The following DCAF5 variants were observed in gnomAD, a reference collection of about 807,000 sequenced individuals.
The protein encoded by DCAF5 is DDB1 and CUL4 associated factor 5.
DCAF5 carries 9 observed loss-of-function variants against 80.7 expected under a neutral mutation model. That is an observed-to-expected ratio of 0.11 (90% CI 0.07 to 0.19). The LOEUF is 0.19. Among genes scored for constraint, DCAF5 ranks in the 10% least tolerant of loss-of-function variants. The probability of loss-of-function intolerance (pLI) is 1.00; values close to 1 mark genes in which losing one functional copy is unlikely to be tolerated. For synonymous variants in DCAF5, 433 were observed against 461.9 expected (o/e 0.94, Z 0.80); for missense variants, 842 against 1,205.7 (o/e 0.70, Z 4.47).
intron 3 of DCAF5, 81 bp downstream of exon 3, chr14:69,119,113 T>G: frequency 7.1e-7 from 1 of 1,414,008 alleles, no homozygotes; most frequent in South Asian, 1.4e-5. Flanking sequence ...AAACAAAAAC[T>G]ATTTTAGTCT....
chr14:69,140,229 T>G (rs1267953668), intron 1 of DCAF5, among the ~76,000 whole-genome samples: 2 of 151,458 alleles, frequency 1.3e-5, no homozygotes, highest in African/African-American at 4.9e-5. Flanking sequence ...ATAGCGCCAT[T>G]GCACTCCAGC....
At chr14:69,069,201 T>C (rs760265175) in intron 7 of DCAF5, among the ~76,000 whole-genome samples, 5 of 152,180 alleles carry the variant, frequency 3.3e-5, no homozygotes, top group Non-Finnish European at 5.9e-5. Flanking sequence ...AAAAAATGCA[T>C]TTACAGCTGT....
At chr14:69,122,991 G>A (rs1433102985) in intron 1 of DCAF5, among the ~76,000 whole-genome samples, 1 of 151,768 alleles carries the variant, frequency 6.6e-6, no homozygotes, top group African/African-American at 2.4e-5. Flanking sequence ...TTTTTGCATT[G>A]ACTTTTTATA....
chr14:69,079,359 G>A (rs2139918985), intron 6 of DCAF5, among the ~76,000 whole-genome samples: 1 of 152,272 alleles, frequency 6.6e-6, no homozygotes, highest in South Asian at 2.1e-4. Context: ...TGCATAGAAT[G>A]TACAGGCTTC....
chr14:69,074,306 C>G (rs1188114939), intron 7 of DCAF5, among the ~76,000 whole-genome samples: 1 of 152,000 alleles, frequency 6.6e-6, no homozygotes, highest in Non-Finnish European at 1.5e-5. Context: ...GTATTAAAAA[C>G]AGACATTTTT....
intron 7 of DCAF5, among the ~76,000 whole-genome samples, chr14:69,072,494 G>C (rs997371673): frequency 1.3e-5 from 2 of 151,966 alleles, no homozygotes; most frequent in Non-Finnish European, 2.9e-5. Context: ...TGTAGTCCTA[G>C]ATACTTGGGA....
intron 1 of DCAF5, among the ~76,000 whole-genome samples, chr14:69,147,491 G>A (rs1191969235): frequency 6.6e-6 from 1 of 152,132 alleles, no homozygotes; most frequent in East Asian, 1.9e-4. Context: ...TGAGGAAACA[G>A]ACAAGAGAGG....
At chr14:69,089,215 A>T (rs949113539) in intron 6 of DCAF5, 2 of 152,630 alleles carry the variant, frequency 1.3e-5, no homozygotes, top group South Asian at 2.1e-4. Flanking sequence ...TTACTTCAAC[A>T]AATTTTTATT....
chr14:69,139,609 T>C (rs1248372614), intron 1 of DCAF5, among the ~76,000 whole-genome samples: 1 of 150,740 alleles, frequency 6.6e-6, no homozygotes, highest in Non-Finnish European at 1.5e-5. Flanking sequence ...AGGCCAGGAG[T>C]TCAAGACCAG....
chr14:69,086,924 G>A (rs2039350311), intron 6 of DCAF5, among the ~76,000 whole-genome samples: 1 of 152,214 alleles, frequency 6.6e-6, no homozygotes, highest in African/African-American at 2.4e-5. Context: ...AGGTACGCCA[G>A]TGCTCAGCCT....
intron 5 of DCAF5, among the ~76,000 whole-genome samples, chr14:69,095,539 G>GT (rs1242548017): frequency 7.2e-6 from 1 of 138,614 alleles, no homozygotes; most frequent in African/African-American, 2.4e-5. Flanking sequence ...GTTTTGTTTT[G>GT]TTTTTTTAAG....
At chr14:69,130,420 G>A (rs1310604290) in intron 1 of DCAF5, among the ~76,000 whole-genome samples, 5 of 152,174 alleles carry the variant, frequency 3.3e-5, no homozygotes, top group Non-Finnish European at 7.4e-5. Context: ...GCCAGGGGCT[G>A]GGGGAAAAGA....
At position 69,053,312 on chromosome 14, in the gene DCAF5, C is replaced by G. The variant is rs527841970; in HGVS notation, c.*545G>C. 2.0e-5 allele frequency: 3 copies of G among 152,602 alleles called. No individual in the cohort carries two copies. The South Asian group carries it at 6.2e-4, about 32-fold the overall frequency. 9.5% of individuals were successfully genotyped at this position (152,602 alleles called of 1,614,324 possible). A position where few individuals can be genotyped will look rare whatever the true frequency, so the allele number is the denominator to read the frequency against. On this transcript the variant is annotated 3_prime_UTR_variant, in exon 9 of 9. Transcript: ENST00000341516. ...AACCATGCTTTCCTCTCCAGCGCAG[C>G]CAATGGGCTGAAGGCCTGTTTCCAT...
intron 7 of DCAF5, among the ~76,000 whole-genome samples, chr14:69,071,289 T>C (rs1335890459): frequency 1.3e-5 from 2 of 152,150 alleles, no homozygotes; most frequent in Admixed American, 6.5e-5. Flanking sequence ...ATAAATTTCA[T>C]CTCTTTGGAG....
chr14:69,058,600 C>A (rs770119196), intron 8 of DCAF5, among the ~76,000 whole-genome samples: 1 of 151,652 alleles, frequency 6.6e-6, no homozygotes, highest in Non-Finnish European at 1.5e-5. Context: ...AAGAGCCAGG[C>A]GTGGTGGCTC....
At chr14:69,110,411 AC>A (rs1261736842) in intron 5 of DCAF5, among the ~76,000 whole-genome samples, 2 of 151,504 alleles carry the variant, frequency 1.3e-5, no homozygotes, top group African/African-American at 2.4e-5. Context: ...GATTACAGGC[AC>A]ACAACACCAC....
At position 69,051,280 on chromosome 14, in the gene DCAF5, T is replaced by A. The variant is rs984252606; in HGVS notation, c.*2577A>T. ...CATCTGTCCTGCTATTAAAAATATC[T>A]ATTATGGAAGAAATTGGGTATTAAA... On this transcript the variant is annotated 3_prime_UTR_variant, in exon 9 of 9. Transcript: ENST00000341516. 1 of 152,658 alleles carries A rather than the reference T, an allele frequency of 6.6e-6. No individual in the cohort carries two copies. The highest frequency in any genetic ancestry group is 2.4e-5 in the African/African-American group (1 of 41,456). The allele number at this position is 152,658 out of a possible 1,614,324, so 9.5% of individuals were successfully genotyped here. A position where few individuals can be genotyped will look rare whatever the true frequency, so the allele number is the denominator to read the frequency against.
rs115672203 is a variant in DCAF5 at position 69,114,643 on chromosome 14, A to C, written c.665+1723T>G. On this transcript the variant is annotated intron_variant, in intron 5 of 8. Coordinates refer to ENST00000341516, the MANE Select transcript of DCAF5 (RefSeq NM_003861.3). Reference sequence around the variant, plus strand: ...ATAGACAAACATTTTAAAAACATACAAGTAACAGAGATAATCTGGAGATGG... The same window carrying C: ...ATAGACAAACATTTTAAAAACATACCAGTAACAGAGATAATCTGGAGATGG... Among the ~76,000 whole-genome samples, 388 of 152,318 alleles carry C rather than the reference A, an allele frequency of 2.5e-3. 4 individuals are homozygous for C. Among genetic ancestry groups the C allele is most frequent in the African/African-American group, 8.8e-3 (364 of 41,568 alleles).
chr14:69,054,695 T>G lies in DCAF5; in HGVS notation c.1991A>C (p.Tyr664Ser), dbSNP rs1276460945. ...ESVERKIYKAYKWLRYSYISY... is the reference protein window; with the variant it reads ...ESVERKIYKASKWLRYSYISY... ...GATATAAGAGTAGCGGAGCCACTTG[T>G]AAGCTTTATAAATTTTTCGCTCAAC... The change falls in exon 9 of 9, where the codon TAC becomes TCC. Residue 664 changes from tyrosine to serine, a missense_variant. Around this residue, in one of 5 missense-constraint regions of DCAF5, gnomAD observed 607 missense variants for 656.6 expected, o/e 0.92. Transcript: ENST00000341516. 1 of 1,614,262 alleles carries G rather than the reference T, an allele frequency of 6.2e-7. No homozygotes were observed. Among genetic ancestry groups the G allele is most frequent in the South Asian group, 1.1e-5 (1 of 91,088 alleles).
Sources: allele counts gnomAD v4.1 joint callset (sites outside exome capture counted in the v4.1 genomes callset), GRCh38; gene constraint gnomAD v4.1.1; regional missense constraint gnomAD v4.1.1; transcripts MANE v1.5; gene names NCBI Gene and HGNC (gene_info 2026-07-23, HGNC 2026-07-21).